The following FBXL7 variants were observed in gnomAD, a reference collection of about 807,000 sequenced individuals.
FBXL7 encodes the protein F-box and leucine rich repeat protein 7, also known as F-box/LRR-repeat protein 7.
In FBXL7, 12 loss-of-function variants were observed where a neutral mutation model predicts 38.3. The observed-to-expected ratio is 0.31, with a 90% CI of 0.20 to 0.51. The LOEUF (loss-of-function observed/expected upper bound fraction) is 0.51. Among genes scored for constraint, FBXL7 ranks in the 20% least tolerant of loss-of-function variants. FBXL7 has a pLI of 0.98. For synonymous variants in FBXL7, 297 were observed against 300.9 expected, an observed-to-expected ratio of 0.99 and a Z score of 0.13; for missense variants, 567 against 676.4, an observed-to-expected ratio of 0.84 and a Z score of 1.79.
intron 1 of FBXL7, among the ~76,000 whole-genome samples, chr5:15,528,559 C>G (rs528676602): frequency 6.6e-6 from 1 of 152,262 alleles, no homozygotes; most frequent in South Asian, 2.1e-4. Context: ...GAATGAGAGC[C>G]AAATGAAAAG....
chr5:15,652,583 A>G (rs555246511), intron 2 of FBXL7, among the ~76,000 whole-genome samples: 57 of 152,094 alleles, frequency 3.7e-4, no homozygotes, highest in Non-Finnish European at 7.9e-4. Flanking sequence ...TTTCTTTTTC[A>G]TTTACAACTT....
At chr5:15,897,088 G>T (rs1741120908) in intron 2 of FBXL7, among the ~76,000 whole-genome samples, 1 of 152,192 alleles carries the variant, frequency 6.6e-6, no homozygotes, top group Non-Finnish European at 1.5e-5. Context: ...AACTGAGATT[G>T]TGCCACTGCA....
intron 2 of FBXL7, among the ~76,000 whole-genome samples, chr5:15,765,746 G>A (rs1736569585): frequency 6.6e-6 from 1 of 152,132 alleles, no homozygotes; most frequent in Non-Finnish European, 1.5e-5. Flanking sequence ...TGAGTTCCAG[G>A]AGTGTGAATC....
rs1738538110 is a variant in FBXL7 at position 15,565,404 on chromosome 5, A to C, written c.38-50579A>C. On this transcript the variant is annotated intron_variant, in intron 1 of 3. Coordinates refer to ENST00000504595, the MANE Select transcript of FBXL7 (RefSeq NM_012304.5). Reference sequence around the variant, plus strand: ...AAAGAGAAAATGGGGTCTTTGTTAGAGACCCTCTAGGTCATGTTGTATTAG... The same window carrying C: ...AAAGAGAAAATGGGGTCTTTGTTAGCGACCCTCTAGGTCATGTTGTATTAG... Among the ~76,000 whole-genome samples, 4 of 152,184 alleles carry C rather than the reference A, an allele frequency of 2.6e-5. No homozygotes were observed. In the Middle Eastern group the frequency reaches 0.014, roughly 521 times the overall value.
At chr5:15,549,551 T>C (rs572907661) in intron 1 of FBXL7, among the ~76,000 whole-genome samples, 4 of 152,238 alleles carry the variant, frequency 2.6e-5, no homozygotes, top group Admixed American at 1.3e-4. Flanking sequence ...ATTTTGAATC[T>C]CCATTAAGGA....
intron 2 of FBXL7, among the ~76,000 whole-genome samples, chr5:15,853,598 C>T (rs1039596192): frequency 1.3e-5 from 2 of 152,102 alleles, no homozygotes; most frequent in African/African-American, 4.8e-5. Flanking sequence ...GAGACCTTGT[C>T]GAGGAGCATA....
chr5:15,915,051 A>C (rs1166782455), intron 2 of FBXL7, among the ~76,000 whole-genome samples: 1 of 152,232 alleles, frequency 6.6e-6, no homozygotes, highest in Non-Finnish European at 1.5e-5. Flanking sequence ...CTGAAAATTC[A>C]TCAGTTAATC....
chr5:15,736,323 C>A (rs958141247), intron 2 of FBXL7, among the ~76,000 whole-genome samples: 1 of 152,142 alleles, frequency 6.6e-6, no homozygotes, highest in East Asian at 1.9e-4. Context: ...ATATTCATTT[C>A]TGTTTTGAAG....
chr5:15,745,278 C>G (rs1579427877), intron 2 of FBXL7, among the ~76,000 whole-genome samples: 1 of 151,954 alleles, frequency 6.6e-6, no homozygotes, highest in South Asian at 2.1e-4. Context: ...GGTAGCAAAA[C>G]CCTAGTGTAA....
At chr5:15,645,352 C>T (rs188454948) in intron 2 of FBXL7, among the ~76,000 whole-genome samples, 28 of 152,246 alleles carry the variant, frequency 1.8e-4, no homozygotes, top group Admixed American at 1.3e-3. Flanking sequence ...ATCTGGTTGC[C>T]TCCTTTGGAA....
intron 2 of FBXL7, among the ~76,000 whole-genome samples, chr5:15,672,734 A>C (rs1742521715): frequency 6.6e-6 from 1 of 151,756 alleles, no homozygotes; most frequent in Admixed American, 6.6e-5. Flanking sequence ...TTTTATTTTT[A>C]GTAGAGATGG....
intron 2 of FBXL7, among the ~76,000 whole-genome samples, chr5:15,692,637 A>G (rs1743218983): frequency 6.6e-6 from 1 of 152,158 alleles, no homozygotes; most frequent in Non-Finnish European, 1.5e-5. Flanking sequence ...TCCAGGCCTG[A>G]TCCGAAATGG....
intron 1 of FBXL7, among the ~76,000 whole-genome samples, chr5:15,539,364 AG>A (rs1215411094): frequency 6.6e-6 from 1 of 152,202 alleles, no homozygotes; most frequent in Non-Finnish European, 1.5e-5. Context: ...GCCCAGGTTG[AG>A]GATGCTGGAA....
At chr5:15,733,174 A>C (rs924081634) in intron 2 of FBXL7, among the ~76,000 whole-genome samples, 2 of 151,832 alleles carry the variant, frequency 1.3e-5, no homozygotes, top group East Asian at 1.9e-4. Flanking sequence ...GCTCACTGCA[A>C]CCTCCGCCTC....
chr5:15,931,602 T>C (rs900308452), intron 3 of FBXL7, among the ~76,000 whole-genome samples: 3 of 152,208 alleles, frequency 2.0e-5, no homozygotes, highest in African/African-American at 7.2e-5. Context: ...AATTGCTCCC[T>C]ATGACCTACA....
At chr5:15,506,432 A>G (rs748026714) in intron 1 of FBXL7, among the ~76,000 whole-genome samples, 1 of 152,200 alleles carries the variant, frequency 6.6e-6, no homozygotes. Context: ...GGAAATGTTT[A>G]TTTACTATTT....
chr5:15,826,750 C>T (rs898371899), intron 2 of FBXL7, among the ~76,000 whole-genome samples: 2 of 152,126 alleles, frequency 1.3e-5, no homozygotes, highest in African/African-American at 4.8e-5. Flanking sequence ...TTTGTCTTTG[C>T]TCCATGCAAC....
intron 1 of FBXL7, chr5:15,607,379 AG>A (rs1420728058): frequency 6.6e-6 from 1 of 152,156 alleles, no homozygotes; most frequent in Non-Finnish European, 1.5e-5. Flanking sequence ...GTTTTGCAAG[AG>A]ATGTCTTAGA....
chr5:15,810,877 TA>T (rs1172129593), intron 2 of FBXL7, among the ~76,000 whole-genome samples: 2 of 152,190 alleles, frequency 1.3e-5, no homozygotes, highest in Non-Finnish European at 2.9e-5. Context: ...TGGTTCCCAG[TA>T]GGCACTTAAC....
Sources: allele counts gnomAD v4.1 joint callset (sites outside exome capture counted in the v4.1 genomes callset), GRCh38; gene constraint gnomAD v4.1.1; transcripts MANE v1.5; gene names NCBI Gene and HGNC (gene_info 2026-07-23, HGNC 2026-07-21).